Variants in CAMK4 observed in about 807,000 individuals in gnomAD.
The protein encoded by CAMK4 is calcium/calmodulin dependent protein kinase IV, also known as calcium/calmodulin-dependent protein kinase type IV.
In CAMK4, 22 loss-of-function variants were observed where a neutral mutation model predicts 44.9. The ratio of observed to expected loss-of-function variants is 0.49; its 90% CI spans 0.35 to 0.70. The LOEUF is 0.70. CAMK4 is among the 30% of genes least tolerant of loss of function. CAMK4 has a pLI of 0.01. For missense variants in CAMK4, 498 were observed against 586.8 expected, an observed-to-expected ratio of 0.85 and a Z score of 1.56; for synonymous variants, 218 against 215.4, an observed-to-expected ratio of 1.01 and a Z score of -0.11.
intron 2 of CAMK4, among the ~76,000 whole-genome samples, chr5:111,345,153 A>C (rs1210508089): frequency 6.6e-6 from 1 of 151,956 alleles, no homozygotes; most frequent in African/African-American, 2.4e-5. Flanking sequence ...AATGAAGAGC[A>C]TAATACTACA....
intron 1 of CAMK4, among the ~76,000 whole-genome samples, chr5:111,231,647 C>T (rs1322188078): frequency 6.6e-6 from 1 of 152,116 alleles, no homozygotes; most frequent in Non-Finnish European, 1.5e-5. Flanking sequence ...TATGTATTAC[C>T]ATAAGATTTC....
chr5:111,404,880 T>G (rs974969769), intron 5 of CAMK4, among the ~76,000 whole-genome samples: 3 of 152,206 alleles, frequency 2.0e-5, no homozygotes, highest in Non-Finnish European at 2.9e-5. Flanking sequence ...GATTATAGTC[T>G]AGATGACTTT....
intron 1 of CAMK4, among the ~76,000 whole-genome samples, chr5:111,296,744 G>A (rs571026992): frequency 4.1e-4 from 62 of 152,308 alleles, no homozygotes; most frequent in African/African-American, 1.4e-3. Context: ...AGCTTCATGA[G>A]GATACTATCA....
At chr5:111,289,339 C>T (rs1196384183) in intron 1 of CAMK4, among the ~76,000 whole-genome samples, 3 of 152,132 alleles carry the variant, frequency 2.0e-5, no homozygotes, top group African/African-American at 7.2e-5. Flanking sequence ...AAGAGTGAGA[C>T]TCCGTCTCAA....
intron 1 of CAMK4, among the ~76,000 whole-genome samples, chr5:111,282,227 C>T (rs995768680): frequency 1.3e-5 from 2 of 152,102 alleles, no homozygotes; most frequent in Non-Finnish European, 2.9e-5. Context: ...ATTCTTTTAT[C>T]TAACATTTAA....
chr5:111,292,422 CAT>C (rs997128551), intron 1 of CAMK4, among the ~76,000 whole-genome samples: 1 of 151,656 alleles, frequency 6.6e-6, no homozygotes, highest in Non-Finnish European at 1.5e-5. Context: ...TATGTATGTG[CAT>C]ATATATGTGT....
rs551321330 is a variant in CAMK4 at position 111,396,687 on chromosome 5, C to G, written c.459+1905C>G. Among the ~76,000 whole-genome samples, 13 of 117,220 alleles carry G rather than the reference C, an allele frequency of 1.1e-4. No individual in the cohort carries two copies. In the East Asian group the frequency reaches 3.9e-3, roughly 35 times the overall value. 76.9% of individuals were successfully genotyped at this position (117,220 alleles called of 152,430 possible). The stretch of plus-strand genomic sequence containing the variant: ...ATGGAGTCTCGCTCTGTCACCCAGG[C>G]TGGAGTGCAATGACGTGATCTTGGC... On this transcript the variant is annotated intron_variant, in intron 5 of 10. Coordinates refer to ENST00000282356, the MANE Select transcript of CAMK4 (RefSeq NM_001744.6).
intron 5 of CAMK4, among the ~76,000 whole-genome samples, chr5:111,431,803 A>G (rs543156395): frequency 7.9e-5 from 12 of 152,350 alleles, no homozygotes; most frequent in Admixed American, 7.2e-4. Context: ...AATCAAAACT[A>G]CAATGAGATA....
chr5:111,482,576 C>A lies in CAMK4; in HGVS notation c.829-209C>A, dbSNP rs963350388. 2.6e-5 allele frequency: 10 copies of A among 383,396 alleles called. No homozygotes were observed. The highest frequency in any genetic ancestry group is 2.1e-4 in the African/African-American group (10 of 48,010). The allele number at this position is 383,396 out of a possible 1,614,324, so 23.7% of individuals were successfully genotyped here. A position where few individuals can be genotyped will look rare whatever the true frequency, so the allele number is the denominator to read the frequency against. On this transcript the variant is annotated intron_variant, in intron 9 of 10. Transcript: ENST00000282356. This position sits in a 1 kb window ranked among gnomAD's most constrained non-coding sequence, Gnocchi z 4.9. ...GCCACTTTGGGGGTCTCAGGTGGTA[C>A]ATGGCCCTGTCTTCTCATACTCCCT... is the stretch of plus-strand genomic sequence containing the variant.
rs1368151346 is a variant in CAMK4 at position 111,489,873 on chromosome 5, T to TC, written c.*5410dup. The TC allele has an allele frequency of 6.6e-6, 1 of 152,222 alleles. No individual in the cohort carries two copies. Among genetic ancestry groups the TC allele is most frequent in the South Asian group, 2.1e-4 (1 of 4,834 alleles). 9.4% of individuals were successfully genotyped at this position (152,222 alleles called of 1,614,324 possible). On this transcript the variant is annotated 3_prime_UTR_variant, in exon 11 of 11. Coordinates refer to ENST00000282356, the MANE Select transcript of CAMK4 (RefSeq NM_001744.6). ...TATCCCAGATCAGTGTTTTGTTCCA[T>TC]CCCTATGGTCATCTCTAAAGCCCTG...
intron 2 of CAMK4, among the ~76,000 whole-genome samples, chr5:111,355,660 AC>A (rs1399748146): frequency 0.021 from 2,173 of 101,084 alleles, 54 homozygotes; most frequent in African/African-American, 0.072. Context: ...CCCTCCCCAC[AC>A]CCCACAACAG....
intron 1 of CAMK4, among the ~76,000 whole-genome samples, chr5:111,279,730 G>T (rs901674286): frequency 6.6e-6 from 1 of 151,910 alleles, no homozygotes; most frequent in African/African-American, 2.4e-5. Context: ...GTGTATGTGT[G>T]TATGTGCCTG....
chr5:111,243,131 T>C (rs1269826400), intron 1 of CAMK4, among the ~76,000 whole-genome samples: 1 of 152,118 alleles, frequency 6.6e-6, no homozygotes, highest in East Asian at 1.9e-4. Flanking sequence ...CTCAGGACCA[T>C]TGAATAGGGA....
At chr5:111,325,931 A>G (rs183607614) in intron 1 of CAMK4, among the ~76,000 whole-genome samples, 6 of 152,228 alleles carry the variant, frequency 3.9e-5, no homozygotes, top group Admixed American at 2.0e-4. Context: ...ATGCAAATAC[A>G]ACATATCAAA....
In CAMK4 at chr5:111,309,837, G is replaced by A. The variant is rs149236579; in HGVS notation, c.162-34187G>A. ...AGACTTGGAATTCATTCCATCTTTA[G>A]GACCACTGGTGGTCTCAGTGTCATG... On this transcript the variant is annotated intron_variant, in intron 1 of 10. Coordinates refer to ENST00000282356, the MANE Select transcript of CAMK4 (RefSeq NM_001744.6). 3.4e-3 allele frequency among the ~76,000 whole-genome samples: 524 copies of A among 152,252 alleles called. 1 individual carries two copies. Among genetic ancestry groups the A allele is most frequent in the African/African-American group, 0.012 (502 of 41,540 alleles).
chr5:111,457,303 A>G (rs1373606181), intron 7 of CAMK4, among the ~76,000 whole-genome samples: 1 of 152,234 alleles, frequency 6.6e-6, no homozygotes, highest in East Asian at 1.9e-4. Context: ...CAGGAACTAA[A>G]AAGCTTTTAA....
chr5:111,438,344 A>T (rs1332116829), intron 5 of CAMK4, among the ~76,000 whole-genome samples: 1 of 152,166 alleles, frequency 6.6e-6, no homozygotes, highest in African/African-American at 2.4e-5. Context: ...ACCGCTAGCA[A>T]TGTAATTACG....
chr5:111,375,378 T>A (rs1175583584), intron 3 of CAMK4, among the ~76,000 whole-genome samples: 1 of 152,156 alleles, frequency 6.6e-6, no homozygotes. Flanking sequence ...AAATAAAATG[T>A]CCTCAGAAGC....
chr5:111,440,392 C>T (rs537755649), intron 5 of CAMK4, among the ~76,000 whole-genome samples: 5 of 152,078 alleles, frequency 3.3e-5, no homozygotes, highest in Admixed American at 3.3e-4. Context: ...TTTTTTGTTA[C>T]GTAGTTGACA....
Sources: gnomAD v4.1 joint callset for allele counts (sites outside exome capture counted in the v4.1 genomes callset) on GRCh38, gnomAD v4.1.1 for gene constraint, Gnocchi (gnomAD v3.1) non-coding constraint, MANE v1.5 for transcripts, NCBI Gene and HGNC (gene_info 2026-07-23, HGNC 2026-07-21) for gene names.